Variants in HS3ST5 observed in about 807,000 individuals in gnomAD.
The protein encoded by HS3ST5 is heparan sulfate glucosamine 3-O-sulfotransferase 5.
A neutral mutation model predicts 25.4 loss-of-function variants in HS3ST5; 10 were observed. The observed-to-expected ratio is 0.39, with a 90% CI of 0.24 to 0.67. The LOEUF (loss-of-function observed/expected upper bound fraction) is 0.67, where lower values mean the gene tolerates loss of function less well. HS3ST5 is among the 30% of genes least tolerant of loss of function. The pLI, the probability that HS3ST5 is intolerant of heterozygous loss-of-function variation, is 0.44. For missense variants in HS3ST5, 324 were observed against 420.7 expected (o/e 0.77, Z 2.01); for synonymous variants, 170 against 162.4 (o/e 1.05, Z -0.36).
chr6:114,067,253 A>T (rs531604973), intron 3 of HS3ST5, among the ~76,000 whole-genome samples: 2 of 152,280 alleles, frequency 1.3e-5, no homozygotes, highest in South Asian at 4.2e-4. Context: ...CCATTGTATA[A>T]ATAATTACAG....
chr6:114,073,901 G>A (rs914270779), intron 3 of HS3ST5, among the ~76,000 whole-genome samples: 143 of 152,258 alleles, frequency 9.4e-4, no homozygotes, highest in African/African-American at 3.4e-3. Context: ...CAACCCAAAT[G>A]TCCATCAATG....
intron 3 of HS3ST5, among the ~76,000 whole-genome samples, chr6:114,119,036 T>C (rs79109307): frequency 0.076 from 11,552 of 152,278 alleles, 552 homozygotes; most frequent in East Asian, 0.13. Context: ...CAGGGTTGTT[T>C]GTAATCAAAG....
chr6:114,094,025 G>A (rs926508332), intron 3 of HS3ST5, among the ~76,000 whole-genome samples: 3 of 152,130 alleles, frequency 2.0e-5, no homozygotes, highest in African/African-American at 7.2e-5. Flanking sequence ...AGTAGAGTAA[G>A]GATACCAAAT....
chr6:114,057,311 A>G lies in HS3ST5; in HGVS notation c.987T>C (p.His329=), dbSNP rs745973470. 1.8e-5 allele frequency: 29 copies of G among 1,614,040 alleles called. No homozygotes were observed. The highest frequency in any genetic ancestry group is 2.3e-5 in the Non-Finnish European group (27 of 1,179,984). The change falls in exon 5 of 5, where the codon CAT becomes CAC. Residue 329 remains histidine (H), a synonymous_variant. Coordinates refer to ENST00000312719, the MANE Select transcript of HS3ST5 (RefSeq NM_153612.4). The stretch of plus-strand genomic sequence containing the variant: ...TCTGGTAAAATTTTTGATTAAAAGG[A>G]TGAAAGAATTTGCGCAATTTAGTAA... ...SVITKLRKFF[H]PFNQKFYQIT...
chr6:114,215,488 C>A (rs1463365663), intron 2 of HS3ST5, among the ~76,000 whole-genome samples: 1 of 152,068 alleles, frequency 6.6e-6, no homozygotes, highest in Non-Finnish European at 1.5e-5. Flanking sequence ...TTTTATATCC[C>A]CCTGCTGCCT....
In HS3ST5 at chr6:114,342,420, A is replaced by AGGCGGC. The variant is rs527646640; in HGVS notation, c.-570_-565dup. On this transcript the variant is annotated 5_prime_UTR_variant, in exon 1 of 5. Coordinates refer to ENST00000312719, the MANE Select transcript of HS3ST5 (RefSeq NM_153612.4). ...TAAGACGCGAGCGGGCCCCACACGC[A>AGGCGGC]GGCGGCGGCGGCGGCGGCGGCGGCG... 897 of 191,426 alleles carry AGGCGGC rather than the reference A, an allele frequency of 4.7e-3. 13 individuals are homozygous for AGGCGGC. The highest frequency in any genetic ancestry group is 0.02 in the African/African-American group (845 of 41,300). The allele number at this position is 191,426 out of a possible 1,614,324, so 11.9% of individuals were successfully genotyped here.
chr6:114,301,381 C>A (rs187978261), intron 1 of HS3ST5, among the ~76,000 whole-genome samples: 1 of 152,168 alleles, frequency 6.6e-6, no homozygotes, highest in Admixed American at 6.5e-5. Context: ...GAAAAGATGT[C>A]CTCATTTTCT....
chr6:114,118,517 T>C (rs1776639029), intron 3 of HS3ST5, among the ~76,000 whole-genome samples: 1 of 152,202 alleles, frequency 6.6e-6, no homozygotes, highest in Non-Finnish European at 1.5e-5. Flanking sequence ...ATTACCATTA[T>C]TTACCATTAT....
At position 114,129,457 on chromosome 6, in the gene HS3ST5, G is replaced by A. The variant is rs9400696; in HGVS notation, c.-33+38894C>T. Among the ~76,000 whole-genome samples, 252 of 151,810 alleles carry A rather than the reference G, an allele frequency of 1.7e-3. 1 individual carries two copies. In the Middle Eastern group the frequency reaches 0.021, roughly 12 times the overall value. On this transcript the variant is annotated intron_variant, in intron 3 of 4. Coordinates refer to ENST00000312719, the MANE Select transcript of HS3ST5 (RefSeq NM_153612.4). ...TTTTTAGTAGAGACAGGGTTTCATCGTGTTAGCCAGGATGGTCTCGATCTC... is the reference window on the plus strand; with the variant it reads ...TTTTTAGTAGAGACAGGGTTTCATCATGTTAGCCAGGATGGTCTCGATCTC...
At chr6:114,252,296 C>T (rs929030147) in intron 1 of HS3ST5, among the ~76,000 whole-genome samples, 8 of 152,118 alleles carry the variant, frequency 5.3e-5, no homozygotes, top group South Asian at 2.1e-4. Context: ...ACGAATTTAG[C>T]CCACTGAGAA....
chr6:114,098,623 A>T (rs1364303612), intron 3 of HS3ST5, among the ~76,000 whole-genome samples: 1 of 151,146 alleles, frequency 6.6e-6, no homozygotes, highest in East Asian at 1.9e-4. Context: ...CGTGAAAGAC[A>T]ACTAGGAAAT....
chr6:114,239,361 T>C (rs951501357), intron 1 of HS3ST5, among the ~76,000 whole-genome samples: 1 of 152,208 alleles, frequency 6.6e-6, no homozygotes, highest in Non-Finnish European at 1.5e-5. Flanking sequence ...TGATATGAGC[T>C]GCATCCACCA....
chr6:114,134,370 C>G (rs1413744760), intron 3 of HS3ST5, among the ~76,000 whole-genome samples: 1 of 152,100 alleles, frequency 6.6e-6, no homozygotes, highest in East Asian at 1.9e-4. Context: ...AGGTCTGACC[C>G]AAGGTTCTAA....
chr6:114,327,948 G>A (rs1419610784), intron 1 of HS3ST5, among the ~76,000 whole-genome samples: 2 of 152,144 alleles, frequency 1.3e-5, no homozygotes, highest in African/African-American at 4.8e-5. Flanking sequence ...GAATGTCTAC[G>A]TGATGCTTGG....
At chr6:114,076,844 T>A (rs1774169196) in intron 3 of HS3ST5, among the ~76,000 whole-genome samples, 1 of 152,172 alleles carries the variant, frequency 6.6e-6, no homozygotes, top group African/African-American at 2.4e-5. Context: ...ACACCATTTG[T>A]TAGTAGATTA....
At chr6:114,129,251 C>CTTTT (rs398048772) in intron 3 of HS3ST5, among the ~76,000 whole-genome samples, 1,100 of 97,994 alleles carry the variant, frequency 0.011, 15 homozygotes, top group Non-Finnish European at 0.015. Flanking sequence ...CAACAAGAAC[C>CTTTT]TTTTTTTTTT....
intron 3 of HS3ST5, among the ~76,000 whole-genome samples, chr6:114,130,571 A>T (rs1254739314): frequency 1.3e-5 from 2 of 151,882 alleles, no homozygotes; most frequent in Non-Finnish European, 2.9e-5. Context: ...CTGTTGTTAC[A>T]ATTTTTTTTT....
intron 1 of HS3ST5, among the ~76,000 whole-genome samples, chr6:114,247,805 T>C (rs1295994101): frequency 6.6e-6 from 1 of 151,566 alleles, no homozygotes; most frequent in Non-Finnish European, 1.5e-5. Context: ...TATGTAAGCA[T>C]GAATAATATT....
rs551267988 is a variant in HS3ST5, at chr6:114,342,172, G to A, written c.-339+23C>T. The A allele has an allele frequency of 3.9e-5, 6 of 152,454 alleles. No homozygotes were observed. The East Asian group carries it at 7.7e-4, about 20-fold the overall frequency. The allele number at this position is 152,454 out of a possible 1,614,324, so 9.4% of individuals were successfully genotyped here. A position where few individuals can be genotyped will look rare whatever the true frequency, so the allele number is the denominator to read the frequency against. On this transcript the variant is annotated intron_variant, in intron 1 of 4. Transcript: ENST00000312719. The stretch of plus-strand genomic sequence containing the variant: ...GTCTCAAAGCCCCTCCCCCGCGCGA[G>A]GCGGGCAGCGCGCCTTGCTCACCGT...
Sources: allele counts gnomAD v4.1 joint callset (sites outside exome capture counted in the v4.1 genomes callset), GRCh38; gene constraint gnomAD v4.1.1; transcripts MANE v1.5; gene names NCBI Gene and HGNC (gene_info 2026-07-23, HGNC 2026-07-21).